The following ACAD10 variants were observed in gnomAD, a reference collection of about 807,000 sequenced individuals.
ACAD10 encodes acyl-CoA dehydrogenase family member 10.
Under a neutral mutation model 116.8 loss-of-function variants are expected in ACAD10, and 112 were observed. The observed-to-expected ratio is 0.96, with a 90% CI of 0.82 to 1.12. The LOEUF is 1.12. Ranked by LOEUF, ACAD10 falls within the 50% of genes most tolerant of loss-of-function variation. The probability of loss-of-function intolerance (pLI) is 0.00; values close to 1 mark genes in which losing one functional copy is unlikely to be tolerated. For missense variants in ACAD10, 1,259 were observed against 1,350.2 expected (o/e 0.93, Z 1.06); for synonymous variants, 486 against 510.6 (o/e 0.95, Z 0.65).
chr12:111,747,007 AGAG>A (rs776040077), intron 14 of ACAD10, 39 bp from the exon 15 acceptor site: 1 of 1,521,068 alleles, frequency 6.6e-7, no homozygotes, highest in South Asian at 1.3e-5. Flanking sequence ...TTTTTTTAGA[AGAG>A]GACATGACAG....
At chr12:111,750,523 CTGCAGTGAGCAGTGA>C (rs1277416650) in intron 18 of ACAD10, among the ~76,000 whole-genome samples, 1 of 152,120 alleles carries the variant, frequency 6.6e-6, no homozygotes, top group Admixed American at 6.5e-5. Context: ...GAGTTTAGGG[CTGCAGTGAGCAGTGA>C]TCACACCACT....
chr12:111,732,305 G>A (rs776223315), intron 10 of ACAD10, among the ~76,000 whole-genome samples: 3 of 152,040 alleles, frequency 2.0e-5, no homozygotes, highest in Non-Finnish European at 4.4e-5. Context: ...CCAATTTGCT[G>A]TACATAAGTC....
intron 9 of ACAD10, among the ~76,000 whole-genome samples, 184 bp downstream of exon 9, chr12:111,728,327 CA>C (rs1223434548): frequency 6.6e-6 from 1 of 152,036 alleles, no homozygotes; most frequent in Non-Finnish European, 1.5e-5. Context: ...TTTGGGCCTT[CA>C]ATAAATCCCT....
chr12:111,732,412 T>C (rs1446303484), intron 10 of ACAD10, among the ~76,000 whole-genome samples: 2 of 152,202 alleles, frequency 1.3e-5, no homozygotes, highest in Non-Finnish European at 2.9e-5. Flanking sequence ...ACACTATATG[T>C]GGTATATAGG....
In ACAD10 at chr12:111,756,544, C is replaced by G; in HGVS notation, c.*71C>G. ...GCCCAGATCTGTCACTGATGTGCCT[C>G]GAAAGATCCGGTGTTTGTGGCTCCT... is the stretch of plus-strand genomic sequence containing the variant. On this transcript the variant is annotated 3_prime_UTR_variant, in exon 21 of 21. Coordinates refer to ENST00000313698, the MANE Select transcript of ACAD10 (RefSeq NM_025247.6). 6.3e-7 allele frequency: 1 copy of G among 1,578,650 alleles called. No individual in the cohort carries two copies. Among genetic ancestry groups the G allele is most frequent in the East Asian group, 2.3e-5 (1 of 44,106 alleles).
intron 2 of ACAD10, among the ~76,000 whole-genome samples, chr12:111,700,181 C>G (rs1888309132): frequency 6.6e-6 from 1 of 152,110 alleles, no homozygotes; most frequent in South Asian, 2.1e-4. Context: ...CAGCAAGACC[C>G]CATCTCTTAA....
chr12:111,724,857 GGAAA>G (rs1889166859), intron 8 of ACAD10, among the ~76,000 whole-genome samples: 1 of 151,168 alleles, frequency 6.6e-6, no homozygotes, highest in Non-Finnish European at 1.5e-5. Context: ...GGGAGACCGT[GGAAA>G]GAGAGGGAGA....
At chr12:111,737,082 C>A in intron 12 of ACAD10, 78 bp downstream of exon 12, 2 of 1,474,376 alleles carry the variant, frequency 1.4e-6, no homozygotes, top group African/African-American at 1.4e-5. Flanking sequence ...GAAACCCTCT[C>A]AGGGCCACAG....
At chr12:111,746,710 T>G (rs1038781102) in intron 14 of ACAD10, among the ~76,000 whole-genome samples, 3 of 151,662 alleles carry the variant, frequency 2.0e-5, no homozygotes, top group Non-Finnish European at 4.4e-5. Context: ...GAAATATTAA[T>G]GTGAGAAGGC....
chr12:111,740,320 G>A (rs1889697068), intron 12 of ACAD10, among the ~76,000 whole-genome samples: 1 of 151,898 alleles, frequency 6.6e-6, no homozygotes, highest in African/African-American at 2.4e-5. Context: ...AAATTGCCTG[G>A]GTGTGGTGAT....
intron 16 of ACAD10, 101 bp from the exon 17 acceptor site, chr12:111,748,216 C>T: frequency 1.4e-6 from 2 of 1,445,250 alleles, no homozygotes; most frequent in South Asian, 1.2e-5. Context: ...AGAGCTCTGT[C>T]TGCTTCCTTA....
chr12:111,738,146 T>G (rs1889628758), intron 12 of ACAD10, among the ~76,000 whole-genome samples: 1 of 151,932 alleles, frequency 6.6e-6, no homozygotes, highest in Non-Finnish European at 1.5e-5. Context: ...CATGAGCCAC[T>G]GAGCCCGGCC....
At chr12:111,724,618 C>A (rs1889157262) in intron 8 of ACAD10, among the ~76,000 whole-genome samples, 1 of 152,218 alleles carries the variant, frequency 6.6e-6, no homozygotes, top group African/African-American at 2.4e-5. Context: ...GCCTGGCCAA[C>A]ACAGCGAAAC....
At chr12:111,745,555 A>C in intron 13 of ACAD10, 1 of 167,690 alleles carries the variant, frequency 6.0e-6, no homozygotes, top group Non-Finnish European at 1.3e-5. Flanking sequence ...CAGGAGCATA[A>C]TGCAATCATC....
At position 111,755,762 on chromosome 12, in the gene ACAD10, C is replaced by G. The variant is rs200888711; in HGVS notation, c.3039+17C>G. 3.1e-6 allele frequency: 5 copies of G among 1,612,194 alleles called. No homozygotes were observed. Among genetic ancestry groups the G allele is most frequent in the South Asian group, 2.2e-5 (2 of 91,064 alleles). ...GCGATTCAGGTGAGCACAGACCAGACAGTTGGCTTATTTGAACCATCAATA... is the reference window on the plus strand; with the variant it reads ...GCGATTCAGGTGAGCACAGACCAGAGAGTTGGCTTATTTGAACCATCAATA... On this transcript the variant is annotated intron_variant, in intron 20 of 20. Coordinates refer to ENST00000313698, the MANE Select transcript of ACAD10 (RefSeq NM_025247.6).
intron 15 of ACAD10, 36 bp downstream of exon 15, chr12:111,747,222 CTGT>C (rs1453557712): frequency 2.5e-6 from 4 of 1,609,808 alleles, no homozygotes; most frequent in Non-Finnish European, 1.7e-6. Flanking sequence ...TTGCCTGGCC[CTGT>C]TGTTGTCGGC....
chr12:111,692,243 C>T (rs1029347470), intron 1 of ACAD10, among the ~76,000 whole-genome samples: 4 of 152,186 alleles, frequency 2.6e-5, no homozygotes, highest in Non-Finnish European at 5.9e-5. Context: ...GGTGGGATTA[C>T]AGGAGTGAGC....
At position 111,756,326 on chromosome 12, in the gene ACAD10, C is replaced by T. The variant is rs1331211501; in HGVS notation, c.3040-7C>T. 1.3e-6 allele frequency: 2 copies of T among 1,592,928 alleles called. No homozygotes were observed. The highest frequency in any genetic ancestry group is 1.1e-5 in the South Asian group (1 of 89,294). ...AGGGCCGCCTCCCTCCACTCTGTGT[C>T]TGCCAGGCCTTTGGAGCAGCAGGCC... On this transcript the variant is annotated splice_region_variant and splice_polypyrimidine_tract_variant and intron_variant, in intron 20 of 20. Coordinates refer to ENST00000313698, the MANE Select transcript of ACAD10 (RefSeq NM_025247.6).
intron 18 of ACAD10, chr12:111,753,334 C>T (rs889824789): frequency 2.4e-5 from 9 of 370,530 alleles, no homozygotes; most frequent in Non-Finnish European, 4.3e-5. Flanking sequence ...AGCTGCAGGG[C>T]AGGAAGGGGT....
Sources: gnomAD v4.1 joint callset for allele counts (sites outside exome capture counted in the v4.1 genomes callset) on GRCh38, gnomAD v4.1.1 for gene constraint, MANE v1.5 for transcripts, NCBI Gene and HGNC (gene_info 2026-07-23, HGNC 2026-07-21) for gene names.